FSIP1: variants seen among roughly 807,000 people sequenced by gnomAD.
FSIP1 encodes the protein fibrous sheath interacting protein 1, also known as fibrous sheath-interacting protein 1.
In FSIP1, 65 loss-of-function variants were observed where a neutral mutation model predicts 60.9. The ratio of observed to expected loss-of-function variants is 1.07; its 90% CI spans 0.87 to 1.31. The LOEUF is 1.31. FSIP1 is among the 40% of genes most tolerant of loss of function. The probability of loss-of-function intolerance (pLI) is 0.00; values close to 1 mark genes in which losing one functional copy is unlikely to be tolerated. For missense variants in FSIP1, 675 were observed against 665.5 expected (o/e 1.01, Z -0.16); for synonymous variants, 209 against 221.2 (o/e 0.94, Z 0.49).
intron 10 of FSIP1, among the ~76,000 whole-genome samples, chr15:39,628,944 G>C (rs1394177082): frequency 6.6e-6 from 1 of 152,202 alleles, no homozygotes; most frequent in African/African-American, 2.4e-5. Context: ...GACCATGCCT[G>C]ATGCAGACGA....
At chr15:39,651,618 T>C (rs1210638281) in intron 10 of FSIP1, among the ~76,000 whole-genome samples, 3 of 152,236 alleles carry the variant, frequency 2.0e-5, no homozygotes, top group South Asian at 4.1e-4. Context: ...TAACACATCA[T>C]TGTGTGACTG....
At chr15:39,724,279 G>T (rs1896100374) in intron 9 of FSIP1, among the ~76,000 whole-genome samples, 1 of 148,466 alleles carries the variant, frequency 6.7e-6, no homozygotes, top group South Asian at 2.1e-4. Flanking sequence ...TTGAGACGGA[G>T]TCTCACTCTG....
At chr15:39,778,302 C>T (rs1009667588) in intron 1 of FSIP1, among the ~76,000 whole-genome samples, 1 of 152,188 alleles carries the variant, frequency 6.6e-6, no homozygotes, top group Non-Finnish European at 1.5e-5. Flanking sequence ...CCGCATAATA[C>T]ATGTCAATAA....
chr15:39,712,357 G>A (rs1287599077), intron 10 of FSIP1, among the ~76,000 whole-genome samples: 1 of 152,032 alleles, frequency 6.6e-6, no homozygotes, highest in Non-Finnish European at 1.5e-5. Flanking sequence ...CATATTAAGT[G>A]GAATAATGAG....
At chr15:39,675,151 A>T (rs1041489051) in intron 10 of FSIP1, among the ~76,000 whole-genome samples, 1 of 152,212 alleles carries the variant, frequency 6.6e-6, no homozygotes, top group Non-Finnish European at 1.5e-5. Flanking sequence ...ATAATTGGCA[A>T]AAATTTTTAA....
intron 11 of FSIP1, among the ~76,000 whole-genome samples, chr15:39,602,181 GA>G (rs1265079058): frequency 6.6e-6 from 1 of 152,088 alleles, no homozygotes; most frequent in African/African-American, 2.4e-5. Flanking sequence ...TATTCAATAA[GA>G]AGTGTTGTTA....
At position 39,738,063 on chromosome 15, in the gene FSIP1, G is replaced by T. The variant is rs368828892; in HGVS notation, c.891+28C>A. The T allele has an allele frequency of 5.9e-6, 7 of 1,196,100 alleles. No homozygotes were observed. In the Admixed American group the frequency reaches 7.7e-5, roughly 13 times the overall value. The allele number at this position is 1,196,100 out of a possible 1,614,324, so 74.1% of individuals were successfully genotyped here. A position where few individuals can be genotyped will look rare whatever the true frequency, so the allele number is the denominator to read the frequency against. The stretch of plus-strand genomic sequence containing the variant: ...TTTTTTAAAATCTAAATTAAGAAGT[G>T]TAGTGTTCCCTATCAGAGTTTACGT... On this transcript the variant is annotated intron_variant, in intron 8 of 11. Transcript: ENST00000350221.
intron 11 of FSIP1, among the ~76,000 whole-genome samples, chr15:39,610,531 T>C (rs1890990264): frequency 6.6e-6 from 1 of 152,136 alleles, no homozygotes; most frequent in South Asian, 2.1e-4. Context: ...CTGGGCATGG[T>C]GGTGCGTGCC....
chr15:39,701,093 G>A (rs774910181), intron 10 of FSIP1, among the ~76,000 whole-genome samples: 88 of 152,082 alleles, frequency 5.8e-4, no homozygotes, highest in Admixed American at 2.0e-4. Context: ...CAGGGGTTGC[G>A]GTGAGTCAAG....
intron 11 of FSIP1, among the ~76,000 whole-genome samples, chr15:39,603,298 AC>A (rs2140360041): frequency 6.6e-6 from 1 of 152,310 alleles, no homozygotes; most frequent in African/African-American, 2.4e-5. Flanking sequence ...AATCACCCAG[AC>A]CCTGATCTCA....
intron 10 of FSIP1, among the ~76,000 whole-genome samples, chr15:39,694,019 A>T (rs1894712899): frequency 6.6e-6 from 1 of 152,224 alleles, no homozygotes; most frequent in Non-Finnish European, 1.5e-5. Flanking sequence ...ATATATATAC[A>T]TATCAAAAGA....
At chr15:39,621,768 TC>T (rs1891449468) in intron 10 of FSIP1, among the ~76,000 whole-genome samples, 1 of 152,178 alleles carries the variant, frequency 6.6e-6, no homozygotes, top group African/African-American at 2.4e-5. Context: ...TTCTCTGGCC[TC>T]AAAATATAAG....
chr15:39,734,119 T>C (rs987670783), intron 8 of FSIP1, among the ~76,000 whole-genome samples: 4 of 152,100 alleles, frequency 2.6e-5, no homozygotes, highest in Non-Finnish European at 4.4e-5. Context: ...TCTGATAAAA[T>C]TGTGAACTCC....
intron 10 of FSIP1, among the ~76,000 whole-genome samples, chr15:39,675,675 A>G (rs948403673): frequency 6.6e-6 from 1 of 152,224 alleles, no homozygotes; most frequent in Non-Finnish European, 1.5e-5. Flanking sequence ...GGATCAACGT[A>G]ACAATCAAAC....
chr15:39,656,724 A>T (rs1465505015), intron 10 of FSIP1, among the ~76,000 whole-genome samples: 2 of 152,276 alleles, frequency 1.3e-5, no homozygotes, highest in Non-Finnish European at 2.9e-5. Context: ...TATGCAAAAG[A>T]CAACAGAAGT....
At chr15:39,617,678 T>C in intron 11 of FSIP1, 57 bp downstream of exon 11, 1 of 1,438,800 alleles carries the variant, frequency 7.0e-7, no homozygotes, top group Non-Finnish European at 9.5e-7. Context: ...CATAATACCT[T>C]TATATTGAGG....
At chr15:39,608,199 C>T (rs529570203) in intron 11 of FSIP1, among the ~76,000 whole-genome samples, 13 of 152,292 alleles carry the variant, frequency 8.5e-5, no homozygotes, top group African/African-American at 3.1e-4. Flanking sequence ...CATATTCACA[C>T]CTAAGACACC....
At chr15:39,687,658 G>C (rs892642206) in intron 10 of FSIP1, among the ~76,000 whole-genome samples, 2 of 152,170 alleles carry the variant, frequency 1.3e-5, no homozygotes, top group African/African-American at 4.8e-5. Flanking sequence ...CTAAAAGTTT[G>C]TCAAGAAAGA....
intron 5 of FSIP1, among the ~76,000 whole-genome samples, chr15:39,762,932 A>G (rs537141972): frequency 3.9e-5 from 6 of 152,294 alleles, no homozygotes; most frequent in African/African-American, 1.4e-4. Flanking sequence ...GTGAAATACA[A>G]ATTAGTGGGG....
Sources: allele counts gnomAD v4.1 joint callset (sites outside exome capture counted in the v4.1 genomes callset), GRCh38; gene constraint gnomAD v4.1.1; transcripts MANE v1.5; gene names NCBI Gene and HGNC (gene_info 2026-07-23, HGNC 2026-07-21).